The following MCCC1 variants were observed in gnomAD, a reference collection of about 807,000 sequenced individuals.
MCCC1 encodes the protein methylcrotonoyl-CoA carboxylase subunit alpha, mitochondrial.
MCCC1 carries 64 observed loss-of-function variants against 83.8 expected under a neutral mutation model. The ratio of observed to expected loss-of-function variants is 0.76; its 90% CI spans 0.62 to 0.94. MCCC1 has a LOEUF of 0.94. Ranked by LOEUF, MCCC1 falls within the 40% of genes least tolerant of loss-of-function variation. The pLI, the probability that MCCC1 is intolerant of heterozygous loss-of-function variation, is 0.00. For synonymous variants in MCCC1, 322 were observed against 315.4 expected, an observed-to-expected ratio of 1.02 and a Z score of -0.22; for missense variants, 807 against 904.7, an observed-to-expected ratio of 0.89 and a Z score of 1.39.
chr3:183,060,189 C>T (rs956568234), intron 7 of MCCC1, among the ~76,000 whole-genome samples: 2 of 151,986 alleles, frequency 1.3e-5, no homozygotes, highest in Non-Finnish European at 2.9e-5. Context: ...CTTGCATTTC[C>T]GTTTGGGAAA....
At chr3:183,052,327 T>A (rs1715040824) in intron 8 of MCCC1, 87 bp from the exon 9 acceptor site, 1 of 1,147,192 alleles carries the variant, frequency 8.7e-7, no homozygotes, top group African/African-American at 1.5e-5. Flanking sequence ...AGGTGCCACA[T>A]AATGACGTTT....
upstream of MCCC1, among the ~76,000 whole-genome samples, chr3:183,104,501 A>G (rs1719376191): frequency 6.6e-6 from 1 of 152,238 alleles, no homozygotes; most frequent in Non-Finnish European, 1.5e-5. Context: ...TACATGAAAA[A>G]GTTTTAAAAT....
At chr3:183,108,734 A>G (rs1719445583) in intron 1 of MCCC1, among the ~76,000 whole-genome samples, 1 of 152,192 alleles carries the variant, frequency 6.6e-6, no homozygotes, top group African/African-American at 2.4e-5. Flanking sequence ...TAGATCAGGC[A>G]TGATTATTTC....
chr3:183,099,197 G>A (rs1309562104), intron 1 of MCCC1, 155 bp downstream of exon 1: 3 of 796,724 alleles, frequency 3.8e-6, no homozygotes, highest in Non-Finnish European at 6.1e-6. Context: ...TCCCGACGCC[G>A]TGACTGCCGG....
intron 3 of MCCC1, among the ~76,000 whole-genome samples, chr3:183,087,956 G>A (rs1286774965): frequency 1.3e-5 from 2 of 151,666 alleles, no homozygotes; most frequent in Non-Finnish European, 2.9e-5. Flanking sequence ...ATGGAGCTGA[G>A]GATGAGGCTC....
rs1449480163 is a variant in MCCC1 at position 183,031,553 on chromosome 3, AG to A, written c.1681+2437del. 1.1e-4 allele frequency among the ~76,000 whole-genome samples: 14 copies of A among 126,344 alleles called. 2 individuals are homozygous for A. The South Asian group carries it at 3.1e-3, about 28-fold the overall frequency. 82.9% of individuals were successfully genotyped at this position (126,344 alleles called of 152,430 possible). On this transcript the variant is annotated intron_variant, in intron 14 of 18. Transcript: ENST00000265594. The stretch of plus-strand genomic sequence containing the variant: ...CGCTCTGTCGCCCAGGCTGGAGTGC[AG>A]TGGTGCAATCTCGGCTCACTGCAAG...
intron 1 of MCCC1, among the ~76,000 whole-genome samples, chr3:183,110,853 A>C (rs1396759853): frequency 1.3e-5 from 2 of 152,224 alleles, no homozygotes; most frequent in Non-Finnish European, 2.9e-5. Context: ...AATCTTCTGC[A>C]TATGGCTAGC....
upstream of MCCC1, among the ~76,000 whole-genome samples, chr3:183,104,319 A>G (rs1719373269): frequency 6.6e-6 from 1 of 151,910 alleles, no homozygotes; most frequent in Admixed American, 6.6e-5. Context: ...CAGTTTCACC[A>G]TGTTGGCCAA....
chr3:183,027,715 T>C (rs1341026294), intron 14 of MCCC1, among the ~76,000 whole-genome samples: 1 of 152,222 alleles, frequency 6.6e-6, no homozygotes, highest in Non-Finnish European at 1.5e-5. Flanking sequence ...GAAGTTTTAG[T>C]GGTCTGGATA....
chr3:183,099,470 C>T lies in MCCC1; in HGVS notation c.-30G>A, dbSNP rs1222018852. On this transcript the variant is annotated 5_prime_UTR_variant, in exon 1 of 19. Transcript: ENST00000265594. ...CTGGAGCCCGGCCACTCCGTGACTC[C>T]CCAGTACAGAGGCAGCTGCGTCCCA... 1.9e-6 allele frequency: 3 copies of T among 1,586,118 alleles called. No homozygotes were observed. Among genetic ancestry groups the T allele is most frequent in the Non-Finnish European group, 1.7e-6 (2 of 1,167,032 alleles).
chr3:183,091,864 C>A (rs955695226), intron 3 of MCCC1, among the ~76,000 whole-genome samples: 2 of 152,092 alleles, frequency 1.3e-5, no homozygotes, highest in Admixed American at 1.3e-4. Flanking sequence ...CGGTGAAAAC[C>A]TGTCTCTACT....
intron 7 of MCCC1, among the ~76,000 whole-genome samples, chr3:183,063,273 C>T (rs930205358): frequency 2.0e-5 from 3 of 152,152 alleles, no homozygotes; most frequent in Non-Finnish European, 2.9e-5. Flanking sequence ...TGAGCCACTG[C>T]GCCTGGCCCT....
intron 7 of MCCC1, among the ~76,000 whole-genome samples, chr3:183,061,261 C>G (rs2108510968): frequency 6.6e-6 from 1 of 151,662 alleles, no homozygotes; most frequent in African/African-American, 2.4e-5. Flanking sequence ...TGTTTTTTTT[C>G]CCCCTCCCCT....
At chr3:183,042,948 T>G (rs1246564357) in intron 10 of MCCC1, among the ~76,000 whole-genome samples, 1 of 152,250 alleles carries the variant, frequency 6.6e-6, no homozygotes, top group Non-Finnish European at 1.5e-5. Flanking sequence ...GTATGTTTAT[T>G]GCAGCACTGT....
At chr3:183,077,627 ATT>A (rs34643375) in intron 4 of MCCC1, among the ~76,000 whole-genome samples, 1 of 151,738 alleles carries the variant, frequency 6.6e-6, no homozygotes, top group Non-Finnish European at 1.5e-5. Context: ...CAATTTTATC[ATT>A]TTTTTTCGTG....
At chr3:183,044,952 T>C (rs886417916) in intron 10 of MCCC1, among the ~76,000 whole-genome samples, 12 of 152,056 alleles carry the variant, frequency 7.9e-5, no homozygotes, top group African/African-American at 2.2e-4. Context: ...TAGATTCAGG[T>C]GGTACACGTG....
At chr3:183,105,759 A>G (rs776082777) in intron 1 of MCCC1, among the ~76,000 whole-genome samples, 3 of 152,184 alleles carry the variant, frequency 2.0e-5, no homozygotes, top group Non-Finnish European at 4.4e-5. Flanking sequence ...GAGTGTTTTC[A>G]GGCTTGTATT....
intron 13 of MCCC1, among the ~76,000 whole-genome samples, chr3:183,035,439 A>G (rs1713489190): frequency 6.6e-6 from 1 of 152,120 alleles, no homozygotes. Context: ...ATAGGATCCT[A>G]TAATAATACG....
intron 9 of MCCC1, among the ~76,000 whole-genome samples, chr3:183,050,654 C>T (rs1469432417): frequency 2.2e-5 from 3 of 137,612 alleles, no homozygotes; most frequent in Non-Finnish European, 4.6e-5. Context: ...TGCAGTGAGC[C>T]GAGATCACAC....
Sources: allele counts gnomAD v4.1 joint callset (sites outside exome capture counted in the v4.1 genomes callset), GRCh38; gene constraint gnomAD v4.1.1; transcripts MANE v1.5; gene names NCBI Gene and HGNC (gene_info 2026-07-23, HGNC 2026-07-21).